GPR149: variants seen among roughly 807,000 people sequenced by gnomAD.
GPR149 encodes G protein-coupled receptor 149, also known as probable G protein-coupled receptor 149.
A neutral mutation model predicts 50.2 loss-of-function variants in GPR149; 50 were observed. That is an observed-to-expected ratio of 1.00 (90% CI 0.79 to 1.26). The LOEUF (loss-of-function observed/expected upper bound fraction) is 1.26, where lower values mean the gene tolerates loss of function less well. Among genes scored for constraint, GPR149 ranks in the 50% most tolerant of loss-of-function variants. The pLI, the probability that GPR149 is intolerant of heterozygous loss-of-function variation, is 0.00. For synonymous variants in GPR149, 405 were observed against 358.2 expected (o/e 1.13, Z -1.48); for missense variants, 983 against 895.4 (o/e 1.10, Z -1.25).
At chr3:154,427,292 G>A (rs1389208849) in intron 2 of GPR149, among the ~76,000 whole-genome samples, 1 of 151,318 alleles carries the variant, frequency 6.6e-6, no homozygotes, top group African/African-American at 2.4e-5. Flanking sequence ...TAATTATTCA[G>A]TACCACAGGC....
intron 3 of GPR149, among the ~76,000 whole-genome samples, chr3:154,358,784 G>C (rs1282158240): frequency 6.6e-6 from 1 of 152,060 alleles, no homozygotes; most frequent in Non-Finnish European, 1.5e-5. Flanking sequence ...CACTTATTAA[G>C]CTCGAATACA....
At chr3:154,385,923 G>A (rs143226612) in intron 3 of GPR149, among the ~76,000 whole-genome samples, 2,871 of 151,964 alleles carry the variant, frequency 0.019, 87 homozygotes, top group African/African-American at 0.067. Flanking sequence ...GGATGGTCTC[G>A]ATCTTCTGAC....
In GPR149 at chr3:154,429,510, GAT is replaced by G. The variant is rs1383469347; in HGVS notation, c.104_105del (p.Tyr35SerfsTer43). The G allele has an allele frequency of 1.9e-6, 3 of 1,614,064 alleles. No homozygotes were observed. Among genetic ancestry groups the G allele is most frequent in the African/African-American group, 1.3e-5 (1 of 74,932 alleles). On this transcript the variant is annotated frameshift_variant, in exon 1 of 4. Coordinates refer to ENST00000389740, the MANE Select transcript of GPR149 (RefSeq NM_001038705.3). LOFTEE classifies it high-confidence loss of function. ...LLNPPGTLNI[Y>X]LFCLTCLMTF... ...GTCATGAGACATGTCAAGCAAAAAA[GAT>G]AGATATTCAGGGTTCCTGGCGGATT...
intron 3 of GPR149, among the ~76,000 whole-genome samples, chr3:154,411,996 C>T (rs1711848136): frequency 6.6e-6 from 1 of 152,140 alleles, no homozygotes; most frequent in South Asian, 2.1e-4. Context: ...AAAAGAGAAT[C>T]CACCATGATC....
intron 3 of GPR149, among the ~76,000 whole-genome samples, chr3:154,374,010 C>T (rs746223575): frequency 2.8e-4 from 43 of 152,154 alleles, no homozygotes; most frequent in South Asian, 1.2e-3. Flanking sequence ...AACAAAACAA[C>T]AAAAACAGCC....
intron 3 of GPR149, among the ~76,000 whole-genome samples, chr3:154,419,640 G>T (rs1051486351): frequency 1.3e-5 from 2 of 152,054 alleles, no homozygotes; most frequent in South Asian, 2.1e-4. Context: ...ATCTGTAAGG[G>T]GTAATCACGA....
At chr3:154,349,918 A>T (rs1714026860) in intron 3 of GPR149, among the ~76,000 whole-genome samples, 2 of 152,328 alleles carry the variant, frequency 1.3e-5, no homozygotes, top group Non-Finnish European at 2.9e-5. Flanking sequence ...TCAGAAATTC[A>T]AGGCTGCATC....
intron 3 of GPR149, among the ~76,000 whole-genome samples, chr3:154,412,135 G>A (rs910845882): frequency 2.0e-5 from 3 of 152,054 alleles, no homozygotes; most frequent in South Asian, 2.1e-4. Flanking sequence ...AAAAGCATTT[G>A]ACAAAAGTCC....
intron 3 of GPR149, among the ~76,000 whole-genome samples, chr3:154,380,296 G>T (rs1049671492): frequency 7.9e-5 from 12 of 151,954 alleles, no homozygotes; most frequent in African/African-American, 2.9e-4. Flanking sequence ...CTTCCAGAAA[G>T]TTAACTGCAT....
At chr3:154,396,987 A>G (rs1715308341) in intron 3 of GPR149, among the ~76,000 whole-genome samples, 1 of 152,140 alleles carries the variant, frequency 6.6e-6, no homozygotes, top group Non-Finnish European at 1.5e-5. Context: ...TTTAAAATGT[A>G]TAATAATGCC....
In GPR149 at chr3:154,429,218, G is replaced by T. The variant is rs753849596; in HGVS notation, c.398C>A (p.Thr133Lys). The change falls in exon 1 of 4, where the codon ACG becomes AAG. Residue 133 changes from threonine (T) to lysine (K), a missense_variant. Transcript: ENST00000389740. The stretch of plus-strand genomic sequence containing the variant: ...CTGGCTCCCCACACCTCTGTGCATC[G>T]TATAAAAGTTGTAAGAGACTAGGAG... Reference protein sequence around the residue: ...ATLLVSYNFYTMHRGVGSQTA... With the variant: ...ATLLVSYNFYKMHRGVGSQTA... 1.2e-6 allele frequency: 2 copies of T among 1,614,042 alleles called. No individual in the cohort carries two copies. Among genetic ancestry groups the T allele is most frequent in the African/African-American group, 1.3e-5 (1 of 74,926 alleles).
chr3:154,399,452 C>A (rs1715369710), intron 3 of GPR149, among the ~76,000 whole-genome samples: 1 of 152,116 alleles, frequency 6.6e-6, no homozygotes, highest in African/African-American at 2.4e-5. Flanking sequence ...CAAAAATGTT[C>A]AAAAATTGTC....
chr3:154,361,431 C>A (rs778913176), intron 3 of GPR149, among the ~76,000 whole-genome samples: 5 of 152,064 alleles, frequency 3.3e-5, no homozygotes, highest in Non-Finnish European at 7.4e-5. Context: ...TTCTTTGTAA[C>A]CTGATTGATA....
intron 3 of GPR149, among the ~76,000 whole-genome samples, chr3:154,357,422 C>T (rs1314056573): frequency 6.6e-6 from 1 of 151,980 alleles, no homozygotes; most frequent in Admixed American, 6.6e-5. Context: ...AAAATTTTCG[C>T]AACCTACTCA....
intron 3 of GPR149, among the ~76,000 whole-genome samples, chr3:154,408,864 A>G (rs1163188585): frequency 1.3e-5 from 2 of 152,208 alleles, no homozygotes; most frequent in African/African-American, 4.8e-5. Context: ...CATCCTCCCT[A>G]TAGGGCTGCA....
chr3:154,424,069 G>A (rs1332686853), intron 2 of GPR149, among the ~76,000 whole-genome samples: 6 of 151,716 alleles, frequency 4.0e-5, no homozygotes, highest in Non-Finnish European at 8.9e-5. Context: ...GGGAGATTAG[G>A]GGTTGTGTTG....
intron 3 of GPR149, among the ~76,000 whole-genome samples, chr3:154,379,810 C>T (rs1372705322): frequency 6.6e-6 from 1 of 151,926 alleles, no homozygotes; most frequent in Non-Finnish European, 1.5e-5. Flanking sequence ...ATCTTTATGC[C>T]AGTCATGAAC....
intron 3 of GPR149, among the ~76,000 whole-genome samples, chr3:154,377,086 T>A (rs1576913110): frequency 6.8e-6 from 1 of 146,594 alleles, no homozygotes. Flanking sequence ...ATAAAATACA[T>A]GGGGTAGAGG....
intron 3 of GPR149, among the ~76,000 whole-genome samples, chr3:154,358,083 G>T (rs1293007977): frequency 6.6e-6 from 1 of 151,766 alleles, no homozygotes; most frequent in Non-Finnish European, 1.5e-5. Flanking sequence ...AGGTGGGAAT[G>T]GAACAATGAG....
Sources: allele counts gnomAD v4.1 joint callset (sites outside exome capture counted in the v4.1 genomes callset), GRCh38; gene constraint gnomAD v4.1.1; transcripts MANE v1.5; gene names NCBI Gene and HGNC (gene_info 2026-07-23, HGNC 2026-07-21).